ODF2L: variants seen among roughly 807,000 people sequenced by gnomAD.
ODF2L encodes the protein outer dense fiber of sperm tails 2 like, also known as protein BCAP.
A neutral mutation model predicts 86.3 loss-of-function variants in ODF2L; 76 were observed. The observed-to-expected ratio is 0.88, with a 90% CI of 0.73 to 1.07. The LOEUF is 1.07. ODF2L is among the 50% of genes least tolerant of loss of function. The probability of loss-of-function intolerance (pLI) is 0.00; values close to 1 mark genes in which losing one functional copy is unlikely to be tolerated. For synonymous variants in ODF2L, 241 were observed against 231.3 expected, an observed-to-expected ratio of 1.04 and a Z score of -0.38; for missense variants, 748 against 717.4, an observed-to-expected ratio of 1.04 and a Z score of -0.49.
At chr1:86,364,889 G>T in intron 11 of ODF2L, among the ~76,000 whole-genome samples, 1 of 152,096 alleles carries the variant, frequency 6.6e-6, no homozygotes, top group African/African-American at 2.4e-5. Flanking sequence ...CATTTAATTT[G>T]GATTTTGTTA....
exon 4 of ODF2L, chr1:86,384,679 T>C: frequency 1.4e-6 from 2 of 1,472,818 alleles, no homozygotes; most frequent in Non-Finnish European, 1.8e-6. Flanking sequence ...GCCTTACTTG[T>C]TTGTAGTCTC....
intron 7 of ODF2L, 74 bp downstream of exon 7, chr1:86,382,168 C>T: frequency 1.4e-6 from 2 of 1,448,814 alleles, no homozygotes; most frequent in East Asian, 2.7e-5. Context: ...AATTCTAGAA[C>T]TAAGGAAGGC....
chr1:86,367,832 AAC>A (rs1659546331), intron 11 of ODF2L, among the ~76,000 whole-genome samples: 1 of 152,196 alleles, frequency 6.6e-6, no homozygotes, highest in African/African-American at 2.4e-5. Context: ...ACAGACAAAG[AAC>A]AGAAAATATC....
At chr1:86,352,277 A>G in intron 17 of ODF2L, 1 of 1,404,716 alleles carries the variant, frequency 7.1e-7, no homozygotes, top group Non-Finnish European at 9.3e-7. Flanking sequence ...TAATTTAATC[A>G]TGAGTAATGC....
At chr1:86,354,679 T>C (rs1472940428) in exon 16 of ODF2L, 1 of 1,608,990 alleles carries the variant, frequency 6.2e-7, no homozygotes, top group South Asian at 1.1e-5. Flanking sequence ...TCTGCGTCCA[T>C]CTGTTCTAAT....
chr1:86,394,576 G>A (rs1183197008), intron 1 of ODF2L, among the ~76,000 whole-genome samples: 6 of 152,124 alleles, frequency 3.9e-5, no homozygotes, highest in Admixed American at 6.5e-5. Flanking sequence ...AGTGATGAAT[G>A]AGCTAGCTAA....
intron 7 of ODF2L, among the ~76,000 whole-genome samples, chr1:86,380,776 AC>A (rs1660528702): frequency 6.6e-6 from 1 of 152,104 alleles, no homozygotes; most frequent in Non-Finnish European, 1.5e-5. Flanking sequence ...AAATAAGAAA[AC>A]GTTCTAATTC....
chr1:86,350,799 G>C (rs1658078306), exon 18 of ODF2L: 1 of 152,104 alleles, frequency 6.6e-6, no homozygotes, highest in Non-Finnish European at 1.5e-5. Context: ...CATTCTAATT[G>C]GTGTGACATG....
chr1:86,372,455 TC>T lies in ODF2L; in HGVS notation c.895del (p.Glu299LysfsTer7). The stretch of plus-strand genomic sequence containing the variant: ...CTTTTTCATTGTTTCAATCTGTACT[TC>T]CAATTCGGTTTTTTCTATCACAATT... On this transcript the variant is annotated frameshift_variant, in exon 9 of 18. Transcript: ENST00000317336. LOFTEE classifies it high-confidence loss of function. The T allele has an allele frequency of 6.7e-7, 1 of 1,489,594 alleles. No homozygotes were observed. Among genetic ancestry groups the T allele is most frequent in the Non-Finnish European group, 9.0e-7 (1 of 1,113,862 alleles). The allele number at this position is 1,489,594 out of a possible 1,614,324, so 92.3% of individuals were successfully genotyped here.
chr1:86,363,478 T>C (rs1452685705), intron 11 of ODF2L, among the ~76,000 whole-genome samples: 1 of 152,188 alleles, frequency 6.6e-6, no homozygotes, highest in African/African-American at 2.4e-5. Context: ...TTGGAAAATG[T>C]ATAGGGACTA....
intron 14 of ODF2L, chr1:86,356,071 C>T (rs559622197): frequency 5.3e-4 from 115 of 215,904 alleles, no homozygotes; most frequent in African/African-American, 2.4e-3. Flanking sequence ...AAAAACTTGA[C>T]GTACAATTCT....
downstream of ODF2L, chr1:86,348,642 C>A: frequency 1.0e-6 from 1 of 992,664 alleles, no homozygotes; most frequent in East Asian, 3.5e-5. Flanking sequence ...TCTAATACTA[C>A]CACTCATAAA....
intron 14 of ODF2L, among the ~76,000 whole-genome samples, chr1:86,355,812 C>T (rs1658513065): frequency 1.3e-5 from 2 of 151,822 alleles, no homozygotes; most frequent in Non-Finnish European, 2.9e-5. Context: ...AAATCCAGAT[C>T]ATATTTGGAA....
intron 12 of ODF2L, among the ~76,000 whole-genome samples, chr1:86,359,583 G>A (rs1011076991): frequency 1.4e-5 from 2 of 142,480 alleles, no homozygotes; most frequent in African/African-American, 2.6e-5. Flanking sequence ...GAGCACATTG[G>A]TGCAGTCTCG....
In ODF2L at chr1:86,382,377, G is replaced by C. The variant is rs779572730; in HGVS notation, c.508-19C>G. 32 of 1,604,440 alleles carry C rather than the reference G, an allele frequency of 2.0e-5. No individual in the cohort carries two copies. The highest frequency in any genetic ancestry group is 2.5e-5 in the Non-Finnish European group (30 of 1,176,848). ...TATTTGCCTGTAACAAAGAGAAAGAGAAAACCAAAAAAATCCATATTATTT... is the reference window on the plus strand; with the variant it reads ...TATTTGCCTGTAACAAAGAGAAAGACAAAACCAAAAAAATCCATATTATTT... On this transcript the variant is annotated intron_variant, in intron 6 of 17. Coordinates refer to ENST00000317336, the Ensembl canonical transcript of ODF2L.
At chr1:86,389,800 A>G (rs1046413234) in intron 1 of ODF2L, among the ~76,000 whole-genome samples, 8 of 152,200 alleles carry the variant, frequency 5.3e-5, no homozygotes. Flanking sequence ...GGAGATGGAT[A>G]AATTCCTGGA....
At chr1:86,376,092 TA>T in intron 8 of ODF2L, 140 bp downstream of exon 8, 1 of 457,252 alleles carries the variant, frequency 2.2e-6, no homozygotes, top group Non-Finnish European at 3.8e-6. Context: ...AGTAAAAGAT[TA>T]AAGCAAAAAG....
chr1:86,385,677 C>T (rs1660904960), intron 2 of ODF2L, 87 bp from the exon 3 acceptor site: 4 of 932,246 alleles, frequency 4.3e-6, no homozygotes, highest in Non-Finnish European at 3.2e-6. Context: ...CTATACAGTA[C>T]TCTTAATAGC....
At chr1:86,382,138 T>G in intron 7 of ODF2L, 104 bp downstream of exon 7, 1 of 1,355,688 alleles carries the variant, frequency 7.4e-7, no homozygotes, top group South Asian at 1.9e-5. Flanking sequence ...TGTCAACAAC[T>G]GTGTATTTTA....
Sources: gnomAD v4.1 joint callset for allele counts (sites outside exome capture counted in the v4.1 genomes callset) on GRCh38, gnomAD v4.1.1 for gene constraint, MANE v1.5 for transcripts, NCBI Gene and HGNC (gene_info 2026-07-23, HGNC 2026-07-21) for gene names.